PFKFB3: variants seen among roughly 807,000 people sequenced by gnomAD.
PFKFB3 encodes the protein 6-phosphofructo-2-kinase/fructose-2,6-bisphosphatase 3.
PFKFB3 carries 33 observed loss-of-function variants against 68.0 expected under a neutral mutation model. The ratio of observed to expected loss-of-function variants is 0.49; its 90% CI spans 0.37 to 0.65. PFKFB3 has a LOEUF of 0.65. Among genes scored for constraint, PFKFB3 ranks in the 30% least tolerant of loss-of-function variants. PFKFB3 has a pLI of 0.00. For missense variants in PFKFB3, 586 were observed against 712.2 expected (o/e 0.82, Z 2.02); for synonymous variants, 315 against 288.2 (o/e 1.09, Z -0.94).
chr10:6,252,172 C>T (rs1022354720), intron 14 of PFKFB3, among the ~76,000 whole-genome samples: 1 of 152,156 alleles, frequency 6.6e-6, no homozygotes, highest in African/African-American at 2.4e-5. Context: ...AAATTGTTAT[C>T]CTGGTGTATT....
At chr10:6,182,926 A>T (rs1340981553) in intron 1 of PFKFB3, among the ~76,000 whole-genome samples, 1 of 152,138 alleles carries the variant, frequency 6.6e-6, no homozygotes, top group Non-Finnish European at 1.5e-5. Context: ...AGCTGGAAGG[A>T]CTATGGGGCC....
rs1444869081 is a variant in PFKFB3, at chr10:6,226,208, C to T, written c.1358C>T (p.Pro453Leu). ...CTTGCTTAGGATGCAAAGAAGGGAC[C>T]TAACCCGCTCATGAGACGCAATAGT... is the stretch of plus-strand genomic sequence containing the variant. ...RERSEDAKKGPNPLMRRNSVT... is the reference protein window; with the variant it reads ...RERSEDAKKGLNPLMRRNSVT... Residue 453 changes from proline (P) to leucine (L), a missense_variant, in exon 14 of 15, where the codon CCT becomes CTT. By Grantham distance (98) the Pro-to-Leu change is moderately conservative. Transcript: ENST00000379775. 6.2e-7 allele frequency: 1 copy of T among 1,607,100 alleles called. No individual in the cohort carries two copies. The highest frequency in any genetic ancestry group is 8.5e-7 in the Non-Finnish European group (1 of 1,177,082).
intron 1 of PFKFB3, chr10:6,146,436 C>T: frequency 6.5e-7 from 1 of 1,535,654 alleles, no homozygotes; most frequent in Non-Finnish European, 8.7e-7. Context: ...TCTGCCACTC[C>T]TCTGTCAGCT....
At chr10:6,227,360 C>A (rs945557882) in intron 14 of PFKFB3, among the ~76,000 whole-genome samples, 1 of 152,176 alleles carries the variant, frequency 6.6e-6, no homozygotes, top group Non-Finnish European at 1.5e-5. Context: ...AGCTTCCGGT[C>A]AGGTTTGTTG....
the PFKFB3 span, among the ~76,000 whole-genome samples, chr10:6,277,058 A>G: frequency 1.3e-5 from 2 of 152,104 alleles, no homozygotes; most frequent in Admixed American, 1.3e-4. Context: ...TAATTTTGTC[A>G]TTTCAGAATG....
the PFKFB3 span, among the ~76,000 whole-genome samples, chr10:6,295,251 C>T: frequency 2.0e-5 from 3 of 152,124 alleles, no homozygotes; most frequent in South Asian, 6.2e-4. Flanking sequence ...GAAGGAGTCT[C>T]ACTCTTGTTG....
At chr10:6,155,278 C>T (rs1053793025) in intron 1 of PFKFB3, among the ~76,000 whole-genome samples, 4 of 150,908 alleles carry the variant, frequency 2.7e-5, no homozygotes, top group African/African-American at 9.7e-5. Context: ...TCTCGGCTCA[C>T]TGCAAGCTCC....
downstream of PFKFB3, among the ~76,000 whole-genome samples, chr10:6,239,963 C>T (rs975821815): frequency 3.3e-5 from 5 of 152,154 alleles, no homozygotes; most frequent in African/African-American, 7.2e-5. Flanking sequence ...CATGAGCCAC[C>T]GTGCCTGACA....
chr10:6,306,717 GGCCGTGTCCTGGGCCCT>G, the PFKFB3 span, among the ~76,000 whole-genome samples: 1 of 152,202 alleles, frequency 6.6e-6, no homozygotes. Flanking sequence ...CCCCATGGAA[GGCCGTGTCCTGGGCCCT>G]GCAAAGGAGA....
chr10:6,185,469 G>A (rs1240393548), intron 1 of PFKFB3, among the ~76,000 whole-genome samples: 2 of 152,162 alleles, frequency 1.3e-5, no homozygotes, highest in African/African-American at 4.8e-5. Flanking sequence ...CACTGCGGGG[G>A]CGAGGAGACG....
At chr10:6,207,600 G>T (rs775670686) in intron 1 of PFKFB3, among the ~76,000 whole-genome samples, 2 of 152,184 alleles carry the variant, frequency 1.3e-5, no homozygotes, top group Non-Finnish European at 2.9e-5. Flanking sequence ...CCTCCCTGAG[G>T]TTTATTGCTG....
chr10:6,225,182 T>C, intron 13 of PFKFB3: 3 of 456,312 alleles, frequency 6.6e-6, no homozygotes, highest in Non-Finnish European at 1.3e-5. Flanking sequence ...TACAACACTG[T>C]GCTAGTACTA....
chr10:6,270,445 C>T, the PFKFB3 span, among the ~76,000 whole-genome samples: 1 of 152,156 alleles, frequency 6.6e-6, no homozygotes, highest in Non-Finnish European at 1.5e-5. Context: ...GTTGCTCTTG[C>T]GTTTAATGAC....
chr10:6,152,585 G>A (rs570801747), intron 1 of PFKFB3, among the ~76,000 whole-genome samples: 39 of 152,306 alleles, frequency 2.6e-4, no homozygotes, highest in African/African-American at 9.1e-4. Flanking sequence ...GTAGAAAAGC[G>A]AGAAATGTAT....
chr10:6,224,567 A>T lies in PFKFB3; in HGVS notation c.1341+354A>T, dbSNP rs563633977. On this transcript the variant is annotated intron_variant, in intron 13 of 14. Transcript: ENST00000379775. ...GCAGTCACGGCTCACTGCAGCCTCAACCTCCTGGGTTCAAGTGATCCTCCC... is the reference window on the plus strand; with the variant it reads ...GCAGTCACGGCTCACTGCAGCCTCATCCTCCTGGGTTCAAGTGATCCTCCC... 12 of 449,210 alleles carry T rather than the reference A, an allele frequency of 2.7e-5. No homozygotes were observed. In the East Asian group the frequency reaches 7.7e-4, roughly 29 times the overall value. 27.8% of individuals were successfully genotyped at this position (449,210 alleles called of 1,614,324 possible). A position where few individuals can be genotyped will look rare whatever the true frequency, so the allele number is the denominator to read the frequency against.
chr10:6,251,013 T>C (rs1002569324), intron 14 of PFKFB3, among the ~76,000 whole-genome samples: 1 of 152,182 alleles, frequency 6.6e-6, no homozygotes, highest in Non-Finnish European at 1.5e-5. Flanking sequence ...TTTTAATTGG[T>C]TTGAATACTG....
intron 1 of PFKFB3, among the ~76,000 whole-genome samples, chr10:6,210,510 G>A (rs149770191): frequency 0.011 from 1,289 of 115,012 alleles, 363 homozygotes; most frequent in Non-Finnish European, 0.022. Flanking sequence ...ACAGGCGCCC[G>A]CCAACATGGC....
At chr10:6,263,034 C>G in the PFKFB3 span, among the ~76,000 whole-genome samples, 1 of 152,166 alleles carries the variant, frequency 6.6e-6, no homozygotes, top group African/African-American at 2.4e-5. Context: ...CACACACACA[C>G]AGAAATATAG....
chr10:6,182,982 G>A (rs567845276), intron 1 of PFKFB3, among the ~76,000 whole-genome samples: 1 of 152,286 alleles, frequency 6.6e-6, no homozygotes, highest in Admixed American at 6.5e-5. Context: ...GGATGGGGCG[G>A]TGCCCAGCAC....
Sources: allele counts gnomAD v4.1 joint callset (sites outside exome capture counted in the v4.1 genomes callset), GRCh38; gene constraint gnomAD v4.1.1; transcripts MANE v1.5; gene names NCBI Gene and HGNC (gene_info 2026-07-23, HGNC 2026-07-21).